The following CPT2 variants were observed in gnomAD, a reference collection of about 807,000 sequenced individuals.
The protein encoded by CPT2 is carnitine O-palmitoyltransferase 2, mitochondrial.
A neutral mutation model predicts 48.6 loss-of-function variants in CPT2; 37 were observed. The observed-to-expected ratio is 0.76, with a 90% CI of 0.59 to 1.00. The LOEUF (loss-of-function observed/expected upper bound fraction) is 1.00, where lower values mean the gene tolerates loss of function less well. CPT2 is among the 50% of genes least tolerant of loss of function. The pLI is 0.00. For synonymous variants in CPT2, 319 were observed against 326.9 expected, an observed-to-expected ratio of 0.98 and a Z score of 0.26; for missense variants, 772 against 825.6, an observed-to-expected ratio of 0.94 and a Z score of 0.80.
chr1:53,213,383 A>G lies in CPT2; in HGVS notation c.1765A>G (p.Thr589Ala). The G allele has an allele frequency of 6.2e-7, 1 of 1,614,266 alleles. No individual in the cohort carries two copies. Among genetic ancestry groups the G allele is most frequent in the Non-Finnish European group, 8.5e-7 (1 of 1,180,048 alleles). ...YGQINHNVLSTSTLSSPAVNL... is the reference protein window; with the variant it reads ...YGQINHNVLSASTLSSPAVNL... ...GCAGATAAACCACAATGTCCTGTCC[A>G]CGAGCACACTGAGCAGCCCAGCAGT... is the stretch of plus-strand genomic sequence containing the variant. Residue 589 changes from threonine to alanine, a missense_variant, in exon 5 of 5, where the codon ACG becomes GCG. Transcript: ENST00000371486.
At chr1:53,200,862 G>A (rs1199535311) in intron 2 of CPT2, 63 bp downstream of exon 2, 8 of 1,287,408 alleles carry the variant, frequency 6.2e-6, no homozygotes, top group Non-Finnish European at 9.1e-6. Context: ...GGCAAGTAGT[G>A]GTGGACCAAG....
intron 2 of CPT2, 96 bp from the exon 3 acceptor site, chr1:53,202,227 G>T: frequency 1.1e-6 from 1 of 890,992 alleles, no homozygotes. Context: ...CTATGCTGTT[G>T]GGGACCCAAA....
At chr1:53,202,239 CTCTAT>C in intron 2 of CPT2, 79 bp from the exon 3 acceptor site, 1 of 1,088,980 alleles carries the variant, frequency 9.2e-7, no homozygotes. Context: ...GGACCCAAAA[CTCTAT>C]TATGAGTTCC....
Position 53,210,701 on chromosome 1 carries a change from C to T in CPT2, c.1027C>T (p.Leu343=). The change falls in exon 4 of 5, where the codon CTG becomes TTG. Residue 343 remains leucine (L), a synonymous_variant. Transcript: ENST00000371486. The part of the protein sequence containing the change: ...KDLVHLSHNM[L]HGDGTNRWFD... ...CCTTGTCCACTTGTCCCACAATATG[C>T]TGCATGGGGATGGCACAAACCGCTG... The T allele has an allele frequency of 6.2e-7, 1 of 1,614,198 alleles. No individual in the cohort carries two copies. The highest frequency in any genetic ancestry group is 1.1e-5 in the South Asian group (1 of 91,086).
chr1:53,213,712 T>G lies in CPT2; in HGVS notation c.*117T>G. The G allele has an allele frequency of 1.0e-6, 1 of 955,014 alleles. No individual in the cohort carries two copies. The highest frequency in any genetic ancestry group is 1.6e-6 in the Non-Finnish European group (1 of 620,330). 59.2% of individuals were successfully genotyped at this position (955,014 alleles called of 1,614,324 possible). ...GAGAGGCTGAGGCGGGTGGATCACTTGAGGTCAGGAGTTTGAGACCAACCT... is the reference window on the plus strand; with the variant it reads ...GAGAGGCTGAGGCGGGTGGATCACTGGAGGTCAGGAGTTTGAGACCAACCT... On this transcript the variant is annotated 3_prime_UTR_variant, in exon 5 of 5. Coordinates refer to ENST00000371486, the MANE Select transcript of CPT2 (RefSeq NM_000098.3).
At chr1:53,203,768 G>A (rs1335636083) in intron 3 of CPT2, 1 of 128,366 alleles carries the variant, frequency 7.8e-6, no homozygotes. Flanking sequence ...TTATTTCTTG[G>A]CTTTTTCTTT....
intron 3 of CPT2, chr1:53,203,767 G>T (rs1645368535): frequency 1.5e-5 from 2 of 136,778 alleles, no homozygotes; most frequent in Admixed American, 7.8e-5. Context: ...CTTATTTCTT[G>T]GCTTTTTCTT....
intron 4 of CPT2, chr1:53,212,838 C>A: frequency 2.2e-6 from 1 of 444,916 alleles, no homozygotes; most frequent in Non-Finnish European, 3.9e-6. Flanking sequence ...GACTGAGATT[C>A]GAACCCTGGT....
Position 53,210,446 on chromosome 1 carries a change from G to C in CPT2, c.772G>C (p.Asp258His). 6.2e-7 allele frequency: 1 copy of C among 1,614,104 alleles called. No homozygotes were observed. Among genetic ancestry groups the C allele is most frequent in the Non-Finnish European group, 8.5e-7 (1 of 1,180,038 alleles). The change falls in exon 4 of 5, where the codon GAT (aspartate) becomes CAT (histidine). Residue 258 changes from aspartate (D) to histidine (H), a missense_variant. Transcript: ENST00000371486. ...AAATTTTTATATCTTTGATGTCCTGGATCAAGATGGGAACATTGTGAGCCC... is the reference window on the plus strand; with the variant it reads ...AAATTTTTATATCTTTGATGTCCTGCATCAAGATGGGAACATTGTGAGCCC... ...KGNFYIFDVL[D>H]QDGNIVSPSE...
intron 3 of CPT2, among the ~76,000 whole-genome samples, chr1:53,205,413 G>A (rs541922161): frequency 1.2e-4 from 18 of 152,180 alleles, no homozygotes; most frequent in Non-Finnish European, 2.4e-4. Flanking sequence ...GAAAGCATAT[G>A]GTCATATGCA....
intron 3 of CPT2, among the ~76,000 whole-genome samples, chr1:53,205,794 C>T (rs144089126): frequency 0.012 from 1,819 of 152,340 alleles, 15 homozygotes; most frequent in Non-Finnish European, 0.017. Context: ...AGGCACAGCT[C>T]TGGCCATTGC....
chr1:53,211,013 C>T lies in CPT2; in HGVS notation c.1339C>T (p.Gln447Ter), dbSNP rs1446745791. 3 of 1,614,162 alleles carry T rather than the reference C, an allele frequency of 1.9e-6. No individual in the cohort carries two copies. Among genetic ancestry groups the T allele is most frequent in the Non-Finnish European group, 2.5e-6 (3 of 1,180,024 alleles). The change falls in exon 4 of 5, where the codon CAG becomes TAG. Residue 447 changes from glutamine to a stop codon, truncating the protein, a stop_gained. Transcript: ENST00000371486. LOFTEE classifies it high-confidence loss of function. Reference sequence around the variant, plus strand: ...GAAAACCCTCACTATTGACTGCGTCCAGTTTCAGAGAGGAGGCAAAGAATT... The same window carrying T: ...GAAAACCCTCACTATTGACTGCGTCTAGTTTCAGAGAGGAGGCAAAGAATT... The part of the protein sequence containing the change: ...TMKTLTIDCV[Q>*]FQRGGKEFLK...
chr1:53,202,212 T>C (rs1406340175), intron 2 of CPT2, 111 bp from the exon 3 acceptor site: 5 of 775,670 alleles, frequency 6.4e-6, no homozygotes, highest in Non-Finnish European at 1.1e-5. Context: ...TTCCAGGTTT[T>C]AGGGCTATGC....
At position 53,212,533 on chromosome 1, in the gene CPT2, T is replaced by G. The variant is rs2100276924; in HGVS notation, c.1646-731T>G. Among the ~76,000 whole-genome samples, 2 of 152,346 alleles carry G rather than the reference T, an allele frequency of 1.3e-5. 1 individual carries two copies. Among genetic ancestry groups the G allele is most frequent in the South Asian group, 4.1e-4 (2 of 4,830 alleles). ...TTACTGATTGGTTATCAGACTCACTTTTGAAAATTTAGGATTTCTAAACTT... is the reference window on the plus strand; with the variant it reads ...TTACTGATTGGTTATCAGACTCACTGTTGAAAATTTAGGATTTCTAAACTT... On this transcript the variant is annotated intron_variant, in intron 4 of 4. Transcript: ENST00000371486.
chr1:53,210,203 C>T lies in CPT2; in HGVS notation c.529C>T (p.His177Tyr), dbSNP rs1458807053. 6.2e-7 allele frequency: 1 copy of T among 1,614,146 alleles called. No homozygotes were observed. Among genetic ancestry groups the T allele is most frequent in the South Asian group, 1.1e-5 (1 of 91,082 alleles). ...TGGCCTTCTGGAGCCAGAAGTGTTC[C>T]ACTTGAACCCTGCAAAAAGTGACAC... is the stretch of plus-strand genomic sequence containing the variant. Reference protein sequence around the residue: ...RAGLLEPEVFHLNPAKSDTIT... With the variant: ...RAGLLEPEVFYLNPAKSDTIT... Residue 177 changes from histidine to tyrosine, a missense_variant, in exon 4 of 5, where the codon CAC (histidine) becomes TAC (tyrosine). Coordinates refer to ENST00000371486, the MANE Select transcript of CPT2 (RefSeq NM_000098.3).
chr1:53,209,632 T>G (rs1416938468), intron 3 of CPT2: 1 of 243,294 alleles, frequency 4.1e-6, no homozygotes, highest in Non-Finnish European at 8.1e-6. Flanking sequence ...AAAAATTATC[T>G]GGGCATGGTG....
At chr1:53,203,976 A>G (rs1181836597) in intron 3 of CPT2, 1 of 151,980 alleles carries the variant, frequency 6.6e-6, no homozygotes, top group African/African-American at 2.4e-5. Flanking sequence ...TGGTAAATCT[A>G]ATGTTATTCT....
In CPT2 at chr1:53,213,286, G is replaced by C. The variant is rs1645441616; in HGVS notation, c.1668G>C (p.Leu556Phe). The C allele has an allele frequency of 1.2e-6, 2 of 1,614,056 alleles. No individual in the cohort carries two copies. Among genetic ancestry groups the C allele is most frequent in the South Asian group, 1.1e-5 (1 of 91,084 alleles). The change falls in exon 5 of 5, where the codon TTG becomes TTC. Residue 556 changes from leucine (L) to phenylalanine (F), a missense_variant. Leu to Phe is a conservative substitution (Grantham distance 22, BLOSUM62 0). Coordinates refer to ENST00000371486, the MANE Select transcript of CPT2 (RefSeq NM_000098.3). ...AAMGQGFDRH[L>F]FALRHLAAAK... is the part of the protein sequence containing the mutation. ...CAGGCCAGGGCTTTGACCGACACTT[G>C]TTTGCTCTGCGGCATCTGGCAGCAG... is the stretch of plus-strand genomic sequence containing the variant.
In CPT2 at chr1:53,200,288, G is replaced by T. The variant is rs1645346653; in HGVS notation, c.153-431G>T. On this transcript the variant is annotated intron_variant, in intron 1 of 4. Coordinates refer to ENST00000371486, the MANE Select transcript of CPT2 (RefSeq NM_000098.3). ...TTTCACTCTTATATAATTATTTGTT[G>T]TAAAATGCAGAAGAAAATTTAAAAA... is the stretch of plus-strand genomic sequence containing the variant. 8 of 184,806 alleles carry T rather than the reference G, an allele frequency of 4.3e-5. No homozygotes were observed. The South Asian group carries it at 8.2e-4, about 19-fold the overall frequency. The allele number at this position is 184,806 out of a possible 1,614,324, so 11.4% of individuals were successfully genotyped here. A position where few individuals can be genotyped will look rare whatever the true frequency, so the allele number is the denominator to read the frequency against.
Sources: allele counts gnomAD v4.1 joint callset (sites outside exome capture counted in the v4.1 genomes callset), GRCh38; gene constraint gnomAD v4.1.1; transcripts MANE v1.5; gene names NCBI Gene and HGNC (gene_info 2026-07-23, HGNC 2026-07-21).